IRF6: variants seen among roughly 807,000 people sequenced by gnomAD.
The protein encoded by IRF6 is interferon regulatory factor 6.
A neutral mutation model predicts 51.4 loss-of-function variants in IRF6; 6 were observed. That is an observed-to-expected ratio of 0.12 (90% CI 0.06 to 0.23). The LOEUF (loss-of-function observed/expected upper bound fraction) is 0.23, where lower values mean the gene tolerates loss of function less well. IRF6 is among the 10% of genes least tolerant of loss of function. IRF6 has a pLI of 1.00. For synonymous variants in IRF6, 178 were observed against 215.7 expected (o/e 0.83, Z 1.53); for missense variants, 348 against 585.2 (o/e 0.59, Z 4.18).
intron 5 of IRF6, 95 bp from the exon 6 acceptor site, chr1:209,792,522 C>T: frequency 7.5e-7 from 1 of 1,332,450 alleles, no homozygotes; most frequent in Non-Finnish European, 1.1e-6. Flanking sequence ...AGACAAGAAC[C>T]AAACACTGAA....
At chr1:209,793,618 T>C (rs868434004) in intron 5 of IRF6, among the ~76,000 whole-genome samples, 3 of 152,238 alleles carry the variant, frequency 2.0e-5, no homozygotes, top group Non-Finnish European at 2.9e-5. Flanking sequence ...GTTTGTTATA[T>C]AGGTGAATTA....
chr1:209,797,863 TA>T (rs1558041705), intron 3 of IRF6, among the ~76,000 whole-genome samples: 1 of 152,126 alleles, frequency 6.6e-6, no homozygotes, highest in Non-Finnish European at 1.5e-5. Flanking sequence ...GCCGAAAAAG[TA>T]GGTACCATTA....
intron 5 of IRF6, among the ~76,000 whole-genome samples, chr1:209,794,252 A>T (rs930233867): frequency 6.6e-6 from 1 of 152,194 alleles, no homozygotes; most frequent in African/African-American, 2.4e-5. Context: ...TTTGACTTCA[A>T]TAACAGCCAT....
intron 1 of IRF6, among the ~76,000 whole-genome samples, chr1:209,804,268 A>G (rs1014528423): frequency 2.0e-5 from 3 of 152,146 alleles, no homozygotes; most frequent in African/African-American, 7.2e-5. Flanking sequence ...TGAATGTGAT[A>G]TTACTATCCC....
chr1:209,790,986 C>T lies in IRF6; in HGVS notation c.668-99G>A, dbSNP rs949643231. On this transcript the variant is annotated intron_variant, in intron 6 of 8. Coordinates refer to ENST00000367021, the MANE Select transcript of IRF6 (RefSeq NM_006147.4). This position sits in a 1 kb window ranked among gnomAD's most constrained non-coding sequence, Gnocchi z 4.8. ...CCATTAAGATCAAGCCACCTTTCAACCAGCATTCAGGAAGGCCACTGCCAT... is the reference window on the plus strand; with the variant it reads ...CCATTAAGATCAAGCCACCTTTCAATCAGCATTCAGGAAGGCCACTGCCAT... 3.7e-6 allele frequency: 6 copies of T among 1,600,258 alleles called. No homozygotes were observed. Among genetic ancestry groups the T allele is most frequent in the African/African-American group, 2.7e-5 (2 of 74,812 alleles).
Position 209,792,673 on chromosome 1 carries a change from A to G in IRF6, c.509-246T>C, listed in dbSNP as rs966966720. On this transcript the variant is annotated intron_variant, in intron 5 of 8. Coordinates refer to ENST00000367021, the MANE Select transcript of IRF6 (RefSeq NM_006147.4). Reference sequence around the variant, plus strand: ...TTTTAAAAACCTTTGTTTGCTGAAGATTAACATAGACATGTGAGTTTTCTC... The same window carrying G: ...TTTTAAAAACCTTTGTTTGCTGAAGGTTAACATAGACATGTGAGTTTTCTC... The G allele has an allele frequency of 1.8e-5, 10 of 556,172 alleles. No individual in the cohort carries two copies. In the Admixed American group the frequency reaches 2.2e-4, roughly 12 times the overall value. The allele number at this position is 556,172 out of a possible 1,614,324, so 34.5% of individuals were successfully genotyped here.
intron 1 of IRF6, among the ~76,000 whole-genome samples, chr1:209,804,088 T>A (rs2077959881): frequency 6.6e-6 from 1 of 152,208 alleles, no homozygotes. Flanking sequence ...TTTCCTACAA[T>A]GATATGTTTC....
chr1:209,788,009 G>T lies in IRF6; in HGVS notation c.*411C>A. 1 of 241,168 alleles carries T rather than the reference G, an allele frequency of 4.1e-6. No individual in the cohort carries two copies. Among genetic ancestry groups the T allele is most frequent in the Admixed American group, 5.2e-5 (1 of 19,218 alleles). 14.9% of individuals were successfully genotyped at this position (241,168 alleles called of 1,614,324 possible). On this transcript the variant is annotated 3_prime_UTR_variant, in exon 9 of 9. Coordinates refer to ENST00000367021, the MANE Select transcript of IRF6 (RefSeq NM_006147.4). Reference sequence around the variant, plus strand: ...TTCCAGGCAGTTTAGCCTTGTACAAGTAGAAGAAGGTCATTGAGTCCGTTC... The same window carrying T: ...TTCCAGGCAGTTTAGCCTTGTACAATTAGAAGAAGGTCATTGAGTCCGTTC...
intron 2 of IRF6, 122 bp from the exon 3 acceptor site, chr1:209,801,538 T>G: frequency 1.3e-6 from 1 of 781,984 alleles, no homozygotes. Flanking sequence ...GCAAAGAAAC[T>G]AAATATGGGA....
chr1:209,802,290 T>C (rs148645825), intron 1 of IRF6: 298 of 152,334 alleles, frequency 2.0e-3, no homozygotes, highest in African/African-American at 7.0e-3. Context: ...TATCTCCCAG[T>C]GAAGGCTGGA....
chr1:209,800,610 T>C (rs2077934755), intron 3 of IRF6, among the ~76,000 whole-genome samples: 1 of 151,894 alleles, frequency 6.6e-6, no homozygotes, highest in African/African-American at 2.4e-5. Flanking sequence ...AATACAAAAA[T>C]TAGCCAGGCG....
chr1:209,801,536 A>C (rs1055409200), intron 2 of IRF6, 120 bp from the exon 3 acceptor site: 1 of 804,144 alleles, frequency 1.2e-6, no homozygotes, highest in African/African-American at 1.7e-5. Context: ...CAGCAAAGAA[A>C]CTAAATATGG....
At chr1:209,802,876 AAC>A (rs1181592177) in intron 1 of IRF6, among the ~76,000 whole-genome samples, 4 of 152,198 alleles carry the variant, frequency 2.6e-5, no homozygotes, top group Non-Finnish European at 5.9e-5. Context: ...GGTGGCCCAT[AAC>A]ACCACTTCTC....
At position 209,796,572 on chromosome 1, in the gene IRF6, G is replaced by A; in HGVS notation, c.175-20C>T. The stretch of plus-strand genomic sequence containing the variant: ...CCAGGCCTGAGAACAAGAAACCACA[G>A]TGAGTCCTATCATTGCCCAGAGCCA... On this transcript the variant is annotated intron_variant, in intron 3 of 8. Coordinates refer to ENST00000367021, the MANE Select transcript of IRF6 (RefSeq NM_006147.4). This position sits in a 1 kb window ranked among gnomAD's most constrained non-coding sequence, Gnocchi z 4.5. The A allele has an allele frequency of 6.2e-7, 1 of 1,604,374 alleles. No homozygotes were observed. The highest frequency in any genetic ancestry group is 8.5e-7 in the Non-Finnish European group (1 of 1,173,196).
intron 5 of IRF6, among the ~76,000 whole-genome samples, chr1:209,794,716 T>C (rs998440889): frequency 3.9e-5 from 6 of 152,236 alleles, no homozygotes; most frequent in Non-Finnish European, 8.8e-5. Context: ...ATTCAGTACC[T>C]GCTCTGTCAC....
chr1:209,791,427 C>T (rs1571980146), intron 6 of IRF6, among the ~76,000 whole-genome samples: 3 of 152,262 alleles, frequency 2.0e-5, no homozygotes, highest in Admixed American at 2.0e-4. Flanking sequence ...ACCCAATAGC[C>T]CCTATCAAAG....
intron 8 of IRF6, among the ~76,000 whole-genome samples, chr1:209,789,303 G>A (rs568808231): frequency 4.0e-5 from 6 of 150,406 alleles, no homozygotes; most frequent in Admixed American, 1.3e-4. Flanking sequence ...CAGCCTGGGC[G>A]ACACAGCAAG....
At chr1:209,804,179 C>T (rs748574562) in intron 1 of IRF6, among the ~76,000 whole-genome samples, 1 of 152,186 alleles carries the variant, frequency 6.6e-6, no homozygotes, top group Admixed American at 6.5e-5. Flanking sequence ...ATGGTAACAA[C>T]AATCCTTTGT....
chr1:209,796,499 T>C lies in IRF6; in HGVS notation c.228A>G (p.Pro76=), dbSNP rs1281823901. 2 of 1,613,790 alleles carry C rather than the reference T, an allele frequency of 1.2e-6. No individual in the cohort carries two copies. Among genetic ancestry groups the C allele is most frequent in the Non-Finnish European group, 1.7e-6 (2 of 1,180,036 alleles). ...AGCGCAGCTGGGCCTTCCATTTAGC[T>C]GGGTCAGGGTCATCCACCCCTTCCT... The part of the protein sequence containing the change: ...KYQEGVDDPD[P]AKWKAQLRCA... Residue 76 remains proline (P), a synonymous_variant, in exon 4 of 9, where the codon CCA becomes CCG. Coordinates refer to ENST00000367021, the MANE Select transcript of IRF6 (RefSeq NM_006147.4). This position sits in a 1 kb window ranked among gnomAD's most constrained non-coding sequence, Gnocchi z 4.5.
Sources: gnomAD v4.1 joint callset for allele counts (sites outside exome capture counted in the v4.1 genomes callset) on GRCh38, gnomAD v4.1.1 for gene constraint, Gnocchi (gnomAD v3.1) non-coding constraint, MANE v1.5 for transcripts, NCBI Gene and HGNC (gene_info 2026-07-23, HGNC 2026-07-21) for gene names.